GHR: variants seen among roughly 807,000 people sequenced by gnomAD.
GHR encodes GH receptor.
Under a neutral mutation model 67.1 loss-of-function variants are expected in GHR, and 35 were observed. The observed-to-expected ratio is 0.52, with a 90% CI of 0.40 to 0.69. GHR has a LOEUF of 0.69. GHR is among the 30% of genes least tolerant of loss of function. GHR has a pLI of 0.00. For synonymous variants in GHR, 272 were observed against 269.1 expected (o/e 1.01, Z -0.10); for missense variants, 792 against 764.6 (o/e 1.04, Z -0.42).
intron 2 of GHR, among the ~76,000 whole-genome samples, chr5:42,606,489 A>G (rs1752636168): frequency 1.3e-5 from 2 of 152,094 alleles, no homozygotes; most frequent in Non-Finnish European, 2.9e-5. Flanking sequence ...TCACATGGCA[A>G]GAGATGAGGC....
chr5:42,485,939 C>T (rs996762461), intron 1 of GHR, among the ~76,000 whole-genome samples: 4 of 152,146 alleles, frequency 2.6e-5, no homozygotes, highest in Non-Finnish European at 5.9e-5. Flanking sequence ...TGCTCTCAGC[C>T]GATGATCTGT....
intron 3 of GHR, among the ~76,000 whole-genome samples, chr5:42,655,175 G>A (rs1440567155): frequency 6.6e-6 from 1 of 152,166 alleles, no homozygotes; most frequent in African/African-American, 2.4e-5. Flanking sequence ...AGCTTATCCT[G>A]TAGTGTCTTT....
chr5:42,647,961 C>A (rs1754827057), intron 3 of GHR, among the ~76,000 whole-genome samples: 1 of 152,190 alleles, frequency 6.6e-6, no homozygotes, highest in African/African-American at 2.4e-5. Flanking sequence ...GCAGTTGTCA[C>A]ATTTTGAAAT....
intron 1 of GHR, chr5:42,548,301 G>C: frequency 1.0e-6 from 1 of 985,320 alleles, no homozygotes; most frequent in Non-Finnish European, 1.2e-6. Context: ...AAAGCAGAAA[G>C]ACCAAGAATT....
chr5:42,534,244 A>G (rs1022410120), intron 1 of GHR, among the ~76,000 whole-genome samples: 71 of 140,206 alleles, frequency 5.1e-4, no homozygotes, highest in African/African-American at 1.9e-3. Context: ...ATGTGTATAT[A>G]TGTATATATG....
At chr5:42,694,544 G>A (rs1326569089) in intron 4 of GHR, among the ~76,000 whole-genome samples, 1 of 152,152 alleles carries the variant, frequency 6.6e-6, no homozygotes, top group Non-Finnish European at 1.5e-5. Flanking sequence ...GGAATCTCTA[G>A]TTTGGGGGTG....
intron 1 of GHR, among the ~76,000 whole-genome samples, chr5:42,510,143 C>T (rs1044366869): frequency 2.6e-5 from 4 of 152,104 alleles, no homozygotes; most frequent in Admixed American, 6.5e-5. Context: ...GTTGGAGTCC[C>T]CCTTGACTCC....
In GHR at chr5:42,528,067, G is replaced by A. The variant is rs142963254; in HGVS notation, c.-11-37797G>A. On this transcript the variant is annotated intron_variant, in intron 1 of 9. Transcript: ENST00000230882. ...CACCCAGTGACCAAAGGGCTCTGAT[G>A]GAGATGTACAAGGAGGTTAATGTAG... Among the ~76,000 whole-genome samples the A allele has an allele frequency of 1.3e-3, 196 of 152,248 alleles. 6 individuals carry two copies. The highest frequency in any genetic ancestry group is 4.4e-3 in the African/African-American group (184 of 41,556).
At chr5:42,532,768 C>A (rs1748033433) in intron 1 of GHR, among the ~76,000 whole-genome samples, 1 of 152,012 alleles carries the variant, frequency 6.6e-6, no homozygotes, top group South Asian at 2.1e-4. Flanking sequence ...TATTATATAA[C>A]CCTAGTTCAT....
At chr5:42,557,507 A>G (rs997884332) in intron 1 of GHR, among the ~76,000 whole-genome samples, 2 of 152,220 alleles carry the variant, frequency 1.3e-5, no homozygotes, top group African/African-American at 4.8e-5. Flanking sequence ...GGATACATGC[A>G]GAGGGAATGC....
chr5:42,468,237 G>T, intron 1 of GHR: 3 of 1,539,652 alleles, frequency 1.9e-6, no homozygotes, highest in Non-Finnish European at 2.7e-6. Flanking sequence ...CCTGATCTGG[G>T]AAGTTTTCTT....
At chr5:42,576,320 G>A (rs1750741992) in intron 2 of GHR, among the ~76,000 whole-genome samples, 1 of 151,842 alleles carries the variant, frequency 6.6e-6, no homozygotes, top group South Asian at 2.1e-4. Context: ...CACAAGTAAA[G>A]CATGTATTGA....
chr5:42,478,456 T>C (rs551031782), intron 1 of GHR, among the ~76,000 whole-genome samples: 10 of 152,310 alleles, frequency 6.6e-5, no homozygotes, highest in African/African-American at 2.2e-4. Flanking sequence ...TGGCATTGAA[T>C]CTATAAATTA....
intron 3 of GHR, among the ~76,000 whole-genome samples, chr5:42,661,323 C>T (rs528574576): frequency 2.0e-4 from 31 of 152,080 alleles, no homozygotes; most frequent in Middle Eastern, 6.8e-3. Context: ...AAAGTTGAAA[C>T]GAAGGAAAAA....
Position 42,683,571 on chromosome 5 carries a change from G to A in GHR, c.137-5319G>A, listed in dbSNP as rs142347730. 1.7e-3 allele frequency among the ~76,000 whole-genome samples: 266 copies of A among 152,294 alleles called. 1 individual carries two copies. Among genetic ancestry groups the A allele is most frequent in the African/African-American group, 6.2e-3 (257 of 41,560 alleles). ...ATAAGGCTGTGAATGAGAGAAGACA[G>A]GAATCATTGGAGGCTACTTTAGGGG... is the stretch of plus-strand genomic sequence containing the variant. On this transcript the variant is annotated intron_variant, in intron 3 of 9. Transcript: ENST00000230882.
At position 42,424,370 on chromosome 5, in the gene GHR, G is replaced by A. The variant is rs961867472; in HGVS notation, c.-12+415G>A. 6.7e-6 allele frequency: 4 copies of A among 595,172 alleles called. No individual in the cohort carries two copies. The East Asian group carries it at 1.1e-4, about 17-fold the overall frequency. The allele number at this position is 595,172 out of a possible 1,614,324, so 36.9% of individuals were successfully genotyped here. On this transcript the variant is annotated intron_variant, in intron 1 of 9. Transcript: ENST00000230882. The surrounding 1 kb of genome is among the most constrained non-coding windows in gnomAD (Gnocchi z 4.1). ...ATAAAAGTTTTGCTAGTGTGTTTCT[G>A]TTTGCCATCATCTGCCTGGCTGCGG...
chr5:42,690,196 C>T (rs1293588576), intron 4 of GHR, among the ~76,000 whole-genome samples: 3 of 152,158 alleles, frequency 2.0e-5, no homozygotes, highest in Non-Finnish European at 2.9e-5. Context: ...TCTATCCAAC[C>T]GAAGAGCTGG....
chr5:42,497,183 T>TG (rs1746356831), intron 1 of GHR, among the ~76,000 whole-genome samples: 1 of 152,210 alleles, frequency 6.6e-6, no homozygotes, highest in African/African-American at 2.4e-5. Context: ...CACCATGCTG[T>TG]GGCCCACAGA....
chr5:42,491,441 T>G (rs558688874), intron 1 of GHR, among the ~76,000 whole-genome samples: 5 of 152,310 alleles, frequency 3.3e-5, no homozygotes, highest in African/African-American at 9.6e-5. Context: ...TAGACCAGAA[T>G]TCAAATCCTA....
Sources: gnomAD v4.1 joint callset for allele counts (sites outside exome capture counted in the v4.1 genomes callset) on GRCh38, gnomAD v4.1.1 for gene constraint, Gnocchi (gnomAD v3.1) non-coding constraint, MANE v1.5 for transcripts, NCBI Gene and HGNC (gene_info 2026-07-23, HGNC 2026-07-21) for gene names.